The following BTBD16 variants were observed in gnomAD, a reference collection of about 807,000 sequenced individuals.
BTBD16 encodes BTB domain containing 16.
BTBD16 carries 66 observed loss-of-function variants against 67.4 expected under a neutral mutation model. The ratio of observed to expected loss-of-function variants is 0.98; its 90% confidence interval spans 0.80 to 1.20. The LOEUF is 1.20. Among genes scored for constraint, BTBD16 ranks in the 50% most tolerant of loss-of-function variants. The pLI, the probability that BTBD16 is intolerant of heterozygous loss-of-function variation, is 0.00. For missense variants in BTBD16, 634 were observed against 616.0 expected (o/e 1.03, Z -0.31); for synonymous variants, 242 against 236.4 (o/e 1.02, Z -0.22).
chr10:122,317,634 G>A (rs879763316), intron 10 of BTBD16, among the ~76,000 whole-genome samples: 2 of 151,266 alleles, frequency 1.3e-5, no homozygotes, highest in African/African-American at 4.9e-5. Flanking sequence ...GTGACAGAGC[G>A]AGACTCTGTC....
intron 10 of BTBD16, among the ~76,000 whole-genome samples, chr10:122,318,835 C>T (rs2142113441): frequency 6.6e-6 from 1 of 152,370 alleles, no homozygotes; most frequent in East Asian, 1.9e-4. Flanking sequence ...ATCCACCTGC[C>T]TCGGCCTCCC....
rs529949953 is a variant in BTBD16 at position 122,337,495 on chromosome 10, C to T, written c.1453-522C>T. ...TGTTTTGTTTTTTGAGACGGAGTCT[C>T]GCTCTATCGCCCAGGCTGGAGTGCA... On this transcript the variant is annotated intron_variant, in intron 15 of 15. Coordinates refer to ENST00000260723, the MANE Select transcript of BTBD16 (RefSeq NM_144587.5). 4.0e-5 allele frequency among the ~76,000 whole-genome samples: 6 copies of T among 151,776 alleles called. No individual in the cohort carries two copies. The South Asian group carries it at 6.2e-4, about 16-fold the overall frequency.
intron 7 of BTBD16, among the ~76,000 whole-genome samples, chr10:122,294,992 G>C (rs950095569): frequency 4.5e-4 from 69 of 152,368 alleles, no homozygotes; most frequent in African/African-American, 1.7e-3. Flanking sequence ...CCTCGTCACA[G>C]CTTGGGCTTC....
chr10:122,312,368 G>C (rs992542737), intron 10 of BTBD16, among the ~76,000 whole-genome samples: 11 of 142,242 alleles, frequency 7.7e-5, no homozygotes, highest in Non-Finnish European at 1.5e-5. Context: ...GCTGGAGTGC[G>C]GTGGCATAGT....
chr10:122,310,062 G>T (rs1013913454), intron 10 of BTBD16, among the ~76,000 whole-genome samples: 9 of 152,178 alleles, frequency 5.9e-5, no homozygotes, highest in African/African-American at 2.2e-4. Flanking sequence ...GTGAGCCACC[G>T]TGCTGGGTCC....
At chr10:122,293,427 C>T (rs1027287988) in intron 7 of BTBD16, among the ~76,000 whole-genome samples, 3 of 152,138 alleles carry the variant, frequency 2.0e-5, no homozygotes, top group Admixed American at 6.5e-5. Flanking sequence ...TCGTTGGGAA[C>T]GCAGGTGTCT....
In BTBD16 at chr10:122,324,294, T is replaced by TC. The variant is rs557841364; in HGVS notation, c.912-5180dup. Among the ~76,000 whole-genome samples, 116 of 152,178 alleles carry TC rather than the reference T, an allele frequency of 7.6e-4. 1 individual carries two copies. Among genetic ancestry groups the TC allele is most frequent in the South Asian group, 6.4e-3 (31 of 4,818 alleles). On this transcript the variant is annotated intron_variant, in intron 10 of 15. Coordinates refer to ENST00000260723, the MANE Select transcript of BTBD16 (RefSeq NM_144587.5). ...CCCAACAGCACCTTCCCCCACCCAT[T>TC]CCCCCCACATACTATTCCCAAGGGA...
In BTBD16 at chr10:122,299,152, G is replaced by A; in HGVS notation, c.791+18G>A. On this transcript the variant is annotated intron_variant, in intron 9 of 15. Transcript: ENST00000260723. ...TCCCCCAGGTCAGAGCTGGCTCCCAGGGTGCGGCCCCTGAGAGGGGGATGG... is the reference window on the plus strand; with the variant it reads ...TCCCCCAGGTCAGAGCTGGCTCCCAAGGTGCGGCCCCTGAGAGGGGGATGG... The A allele has an allele frequency of 6.2e-7, 1 of 1,612,372 alleles. No homozygotes were observed. Among genetic ancestry groups the A allele is most frequent in the Non-Finnish European group, 8.5e-7 (1 of 1,179,448 alleles).
intron 10 of BTBD16, among the ~76,000 whole-genome samples, chr10:122,309,766 C>T (rs1216192010): frequency 7.0e-6 from 1 of 142,080 alleles, no homozygotes; most frequent in Non-Finnish European, 1.5e-5. Context: ...AGCCACTGTG[C>T]TGAGTACATT....
chr10:122,300,519 T>C (rs967528260), intron 9 of BTBD16, among the ~76,000 whole-genome samples: 2 of 152,196 alleles, frequency 1.3e-5, no homozygotes, highest in African/African-American at 2.4e-5. Context: ...GGGAGTAATT[T>C]GCGTTTATTA....
At chr10:122,307,355 G>A (rs2096405501) in intron 10 of BTBD16, 47 bp downstream of exon 10, 1 of 1,517,282 alleles carries the variant, frequency 6.6e-7, no homozygotes, top group East Asian at 2.4e-5. Context: ...ATACTGAAAT[G>A]TACAAACACT....
intron 15 of BTBD16, among the ~76,000 whole-genome samples, chr10:122,337,558 G>T (rs945119998): frequency 2.0e-4 from 31 of 152,088 alleles, no homozygotes; most frequent in Admixed American, 6.6e-4. Flanking sequence ...TCCACCTCCC[G>T]GGTTCACGCC....
chr10:122,313,964 A>G (rs1261592417), intron 10 of BTBD16, among the ~76,000 whole-genome samples: 1 of 152,214 alleles, frequency 6.6e-6, no homozygotes, highest in Non-Finnish European at 1.5e-5. Context: ...CTGTTTCATT[A>G]TAAATCTTGA....
intron 10 of BTBD16, among the ~76,000 whole-genome samples, chr10:122,312,522 C>A (rs1483642808): frequency 6.6e-6 from 1 of 151,994 alleles, no homozygotes; most frequent in Admixed American, 6.6e-5. Context: ...CTATGTTGGC[C>A]AGGCTGGTCT....
intron 6 of BTBD16, among the ~76,000 whole-genome samples, 171 bp downstream of exon 6, chr10:122,290,169 G>C (rs2096371316): frequency 6.6e-6 from 1 of 152,192 alleles, no homozygotes. Flanking sequence ...AGAAGGCTAG[G>C]GTGACTTGGG....
intron 9 of BTBD16, chr10:122,303,710 T>A: frequency 1.2e-6 from 1 of 859,816 alleles, no homozygotes; most frequent in Non-Finnish European, 1.4e-6. Context: ...AAAGAACAAT[T>A]ACCATTTACA....
intron 10 of BTBD16, among the ~76,000 whole-genome samples, chr10:122,314,683 G>A (rs1460073722): frequency 1.2e-4 from 19 of 152,008 alleles, no homozygotes; most frequent in Non-Finnish European, 1.5e-4. Context: ...ATATATAGAA[G>A]TACAATAGTT....
intron 9 of BTBD16, among the ~76,000 whole-genome samples, chr10:122,305,316 T>G (rs1187377979): frequency 6.6e-6 from 1 of 152,220 alleles, no homozygotes; most frequent in Non-Finnish European, 1.5e-5. Context: ...AATCTCACAT[T>G]GAATTGTAAT....
chr10:122,317,677 A>C (rs1383004588), intron 10 of BTBD16, among the ~76,000 whole-genome samples: 1 of 151,956 alleles, frequency 6.6e-6, no homozygotes, highest in Non-Finnish European at 1.5e-5. Context: ...AAAAAACAAA[A>C]AAACAACAAA....
Sources: gnomAD v4.1 joint callset for allele counts (sites outside exome capture counted in the v4.1 genomes callset) on GRCh38, gnomAD v4.1.1 for gene constraint, MANE v1.5 for transcripts, NCBI Gene and HGNC (gene_info 2026-07-23, HGNC 2026-07-21) for gene names.